DOCK1: variants seen among roughly 807,000 people sequenced by gnomAD.
DOCK1 encodes the protein dedicator of cytokinesis protein 1.
A neutral mutation model predicts 262.7 loss-of-function variants in DOCK1; 138 were observed. That is an observed-to-expected ratio of 0.53 (90% CI 0.46 to 0.61). The LOEUF (loss-of-function observed/expected upper bound fraction) is 0.61. Among genes scored for constraint, DOCK1 ranks in the 20% least tolerant of loss-of-function variants. The probability of loss-of-function intolerance (pLI) is 0.00; values close to 1 mark genes in which losing one functional copy is unlikely to be tolerated. For missense variants in DOCK1, 1,908 were observed against 2,370.7 expected, an observed-to-expected ratio of 0.80 and a Z score of 4.05; for synonymous variants, 866 against 867.4, an observed-to-expected ratio of 1.00 and a Z score of 0.03.
chr10:127,282,736 T>C (rs1349458367), intron 29 of DOCK1, among the ~76,000 whole-genome samples: 2 of 152,202 alleles, frequency 1.3e-5, no homozygotes, highest in African/African-American at 4.8e-5. Flanking sequence ...GACTGCATAT[T>C]CTCCTCCCTC....
chr10:127,104,959 C>T (rs1182343477), intron 23 of DOCK1, among the ~76,000 whole-genome samples: 2 of 152,180 alleles, frequency 1.3e-5, no homozygotes, highest in African/African-American at 4.8e-5. Context: ...TGTGTCCCCA[C>T]CCAAATCTCA....
At chr10:127,285,673 G>T (rs187503750) in intron 29 of DOCK1, among the ~76,000 whole-genome samples, 70 of 152,318 alleles carry the variant, frequency 4.6e-4, no homozygotes, top group African/African-American at 1.5e-3. Context: ...TGGAAGGTGC[G>T]GTCAGACCGC....
At chr10:127,285,167 C>CT (rs1420560930) in intron 29 of DOCK1, among the ~76,000 whole-genome samples, 13 of 152,142 alleles carry the variant, frequency 8.5e-5, no homozygotes. Context: ...TCTGGCAGCC[C>CT]TTCTCTGTTT....
At chr10:127,372,310 C>A (rs1324921764) in intron 33 of DOCK1, among the ~76,000 whole-genome samples, 2 of 152,200 alleles carry the variant, frequency 1.3e-5, no homozygotes, top group Non-Finnish European at 2.9e-5. Flanking sequence ...CAGGGGTCCA[C>A]AGTCAGCTGC....
At chr10:126,937,464 GGGTTTGAGTTTC>G (rs1478802693) in intron 1 of DOCK1, among the ~76,000 whole-genome samples, 1 of 150,462 alleles carries the variant, frequency 6.6e-6, no homozygotes, top group Non-Finnish European at 1.5e-5. Flanking sequence ...TAGTACACAG[GGGTTTGAGTTTC>G]TCCACACTTG....
At chr10:126,930,469 C>T (rs1016441123) in intron 1 of DOCK1, among the ~76,000 whole-genome samples, 18 of 152,230 alleles carry the variant, frequency 1.2e-4, no homozygotes, top group Non-Finnish European at 2.4e-4. Flanking sequence ...CCGTGACCAT[C>T]GGGGTGGGGA....
intron 43 of DOCK1, among the ~76,000 whole-genome samples, chr10:127,413,917 A>ATT (rs368961860): frequency 4.0e-5 from 6 of 149,034 alleles, no homozygotes; most frequent in Non-Finnish European, 7.5e-5. Context: ...TTTTCTGAAA[A>ATT]TTTTTTTTTT....
intron 46 of DOCK1, among the ~76,000 whole-genome samples, chr10:127,425,375 G>T (rs1025309702): frequency 4.2e-4 from 64 of 152,178 alleles, no homozygotes; most frequent in African/African-American, 1.5e-3. Context: ...CAGCAGTGTC[G>T]CAGAGAAGCG....
intron 19 of DOCK1, 127 bp from the exon 20 acceptor site, chr10:127,042,498 A>G: frequency 1.3e-6 from 1 of 765,852 alleles, no homozygotes; most frequent in South Asian, 1.9e-5. Context: ...AAGGATCCCG[A>G]ATGGCTTTAT....
intron 48 of DOCK1, among the ~76,000 whole-genome samples, chr10:127,435,157 A>C (rs1326916407): frequency 1.3e-5 from 2 of 152,244 alleles, no homozygotes; most frequent in African/African-American, 4.8e-5. Flanking sequence ...TTTGAGCGGC[A>C]AGCATGTAAA....
intron 27 of DOCK1, among the ~76,000 whole-genome samples, chr10:127,189,106 G>T (rs2056533928): frequency 6.6e-6 from 1 of 152,202 alleles, no homozygotes; most frequent in South Asian, 2.1e-4. Flanking sequence ...GCATGTGGAT[G>T]ACACTGGATG....
intron 29 of DOCK1, among the ~76,000 whole-genome samples, chr10:127,312,634 C>T (rs975874635): frequency 1.1e-4 from 17 of 152,182 alleles, no homozygotes; most frequent in South Asian, 2.1e-4. Context: ...AAATGTCTTA[C>T]GGGCTCATCC....
At chr10:127,225,118 A>T (rs1427691036) in intron 27 of DOCK1, among the ~76,000 whole-genome samples, 2 of 152,182 alleles carry the variant, frequency 1.3e-5, no homozygotes, top group African/African-American at 4.8e-5. Context: ...AGAGGTTTGG[A>T]GGTCTTATGT....
chr10:127,234,331 G>A (rs1169837135), intron 27 of DOCK1, among the ~76,000 whole-genome samples: 3 of 152,030 alleles, frequency 2.0e-5, no homozygotes, highest in African/African-American at 7.2e-5. Flanking sequence ...AATTCTGTAG[G>A]TTCAATTGCA....
chr10:126,913,683 G>A (rs1007550380), intron 1 of DOCK1, among the ~76,000 whole-genome samples: 3 of 152,174 alleles, frequency 2.0e-5, no homozygotes, highest in Non-Finnish European at 2.9e-5. Context: ...GAGTATCCAC[G>A]CAGGCACTCC....
chr10:127,200,560 C>T (rs773692847), intron 27 of DOCK1, among the ~76,000 whole-genome samples: 3 of 152,046 alleles, frequency 2.0e-5, no homozygotes, highest in South Asian at 2.1e-4. Context: ...CCTGTAACCA[C>T]GCCTGGCTGA....
intron 23 of DOCK1, among the ~76,000 whole-genome samples, chr10:127,095,114 G>T (rs1419335873): frequency 1.3e-5 from 2 of 152,260 alleles, no homozygotes; most frequent in African/African-American, 4.8e-5. Context: ...TTCCTGGCAA[G>T]TGGATTGTGG....
chr10:127,076,674 C>T (rs950863848), intron 23 of DOCK1, among the ~76,000 whole-genome samples: 6 of 152,312 alleles, frequency 3.9e-5, no homozygotes, highest in Non-Finnish European at 7.3e-5. Flanking sequence ...CACTGCTCAG[C>T]TCCTCTGGAA....
chr10:126,908,398 T>C (rs893164839), intron 1 of DOCK1, among the ~76,000 whole-genome samples: 2 of 152,236 alleles, frequency 1.3e-5, no homozygotes, highest in Non-Finnish European at 1.5e-5. Flanking sequence ...GGAGGCGCTC[T>C]GGTGGCTCTG....
Sources: allele counts gnomAD v4.1 joint callset (sites outside exome capture counted in the v4.1 genomes callset), GRCh38; gene constraint gnomAD v4.1.1; transcripts MANE v1.5; gene names NCBI Gene and HGNC (gene_info 2026-07-23, HGNC 2026-07-21).